The following AHI1 variants were observed in gnomAD, a reference collection of about 807,000 sequenced individuals.
The protein encoded by AHI1 is Abelson helper integration site 1.
In AHI1, 123 loss-of-function variants were observed where a neutral mutation model predicts 149.3. The ratio of observed to expected loss-of-function variants is 0.82; its 90% CI spans 0.71 to 0.96. The LOEUF (loss-of-function observed/expected upper bound fraction) is 0.96, where lower values mean the gene tolerates loss of function less well. AHI1 is among the 40% of genes least tolerant of loss of function. The pLI is 0.00. For missense variants in AHI1, 1,439 were observed against 1,422.7 expected (o/e 1.01, Z -0.18); for synonymous variants, 475 against 459.8 (o/e 1.03, Z -0.42).
At chr6:135,470,407 C>T (rs1238801887) in intron 5 of AHI1, among the ~76,000 whole-genome samples, 2 of 152,114 alleles carry the variant, frequency 1.3e-5, no homozygotes, top group East Asian at 1.9e-4. Context: ...GACACTGTGG[C>T]GATTCCACAA....
chr6:135,367,656 C>G (rs1774387559), intron 23 of AHI1, among the ~76,000 whole-genome samples: 1 of 152,030 alleles, frequency 6.6e-6, no homozygotes, highest in African/African-American at 2.4e-5. Flanking sequence ...GTAAGACTTT[C>G]CAGTGTATTT....
intron 24 of AHI1, among the ~76,000 whole-genome samples, chr6:135,335,520 C>A (rs528557821): frequency 3.1e-4 from 46 of 149,822 alleles, no homozygotes; most frequent in African/African-American, 1.1e-3. Flanking sequence ...TATTCCTTTT[C>A]AAAAAAAAGG....
chr6:135,401,274 T>C (rs1203472265), intron 22 of AHI1, among the ~76,000 whole-genome samples: 1 of 152,216 alleles, frequency 6.6e-6, no homozygotes, highest in Non-Finnish European at 1.5e-5. Flanking sequence ...CATCACTTAT[T>C]ATCTGAAACT....
intron 24 of AHI1, among the ~76,000 whole-genome samples, chr6:135,351,135 C>CAAAAAAAA (rs1183574427): frequency 2.3e-5 from 3 of 131,376 alleles, no homozygotes; most frequent in African/African-American, 1.0e-4. Context: ...AAACAAAAAA[C>CAAAAAAAA]AAAAAAAACA....
Position 135,442,991 on chromosome 6 carries a change from A to T in AHI1, c.1780-277T>A, listed in dbSNP as rs187137908. ...TTTCAATATCTGATACTCTAAAGCC[A>T]TCACTGCCACACTGCTTCTATATAG... On this transcript the variant is annotated intron_variant, in intron 13 of 28. Coordinates refer to ENST00000265602, the MANE Select transcript of AHI1 (RefSeq NM_001134831.2). Among the ~76,000 whole-genome samples the T allele has an allele frequency of 3.2e-3, 488 of 152,318 alleles. 5 individuals are homozygous for T. The highest frequency in any genetic ancestry group is 9.1e-3 in the African/African-American group (378 of 41,572).
chr6:135,389,266 G>A (rs1778102799), intron 23 of AHI1, among the ~76,000 whole-genome samples: 2 of 142,822 alleles, frequency 1.4e-5, no homozygotes, highest in African/African-American at 2.9e-5. Flanking sequence ...AGCCGAGATC[G>A]TGCCACTGCA....
intron 22 of AHI1, among the ~76,000 whole-genome samples, chr6:135,400,607 G>C (rs2128492544): frequency 6.6e-6 from 1 of 152,200 alleles, no homozygotes; most frequent in Non-Finnish European, 1.5e-5. Flanking sequence ...TCCTCCCTGA[G>C]GTAATTTATA....
At chr6:135,481,487 A>G (rs985710054) in intron 5 of AHI1, among the ~76,000 whole-genome samples, 7 of 152,118 alleles carry the variant, frequency 4.6e-5, no homozygotes, top group African/African-American at 1.7e-4. Flanking sequence ...GAGCATATTC[A>G]TGCTCAAAAT....
chr6:135,400,911 A>C (rs889358802), intron 22 of AHI1, among the ~76,000 whole-genome samples: 1 of 152,062 alleles, frequency 6.6e-6, no homozygotes, highest in African/African-American at 2.4e-5. Flanking sequence ...GAAGCCCCCA[A>C]AATCATCTTT....
chr6:135,325,168 A>T (rs1013160625), intron 24 of AHI1, among the ~76,000 whole-genome samples: 2 of 151,904 alleles, frequency 1.3e-5, no homozygotes, highest in African/African-American at 4.8e-5. Context: ...TTGGGATTAC[A>T]GGCGCCCACC....
chr6:135,329,274 G>C (rs1297834156), intron 24 of AHI1, among the ~76,000 whole-genome samples: 1 of 152,182 alleles, frequency 6.6e-6, no homozygotes, highest in African/African-American at 2.4e-5. Flanking sequence ...CTAGAGAGGA[G>C]AAGTCAATGA....
chr6:135,482,601 T>TA (rs1193063309), intron 5 of AHI1, among the ~76,000 whole-genome samples: 3 of 152,134 alleles, frequency 2.0e-5, no homozygotes, highest in African/African-American at 7.2e-5. Context: ...TTTATTTTTT[T>TA]AATCTGTAGA....
At chr6:135,438,211 G>GTGTTAC (rs1785703424) in intron 15 of AHI1, among the ~76,000 whole-genome samples, 164 bp downstream of exon 15, 2 of 152,136 alleles carry the variant, frequency 1.3e-5, no homozygotes, top group Admixed American at 6.5e-5. Context: ...TCTTTAAAAA[G>GTGTTAC]TGTTACTATA....
chr6:135,471,136 C>G (rs767647717), intron 5 of AHI1, among the ~76,000 whole-genome samples: 1 of 151,896 alleles, frequency 6.6e-6, no homozygotes, highest in Non-Finnish European at 1.5e-5. Flanking sequence ...AAGAGCTAAT[C>G]AAGAATTAGA....
At chr6:135,394,026 A>G (rs991600949) in intron 23 of AHI1, among the ~76,000 whole-genome samples, 6 of 151,940 alleles carry the variant, frequency 3.9e-5, no homozygotes, top group Non-Finnish European at 4.4e-5. Context: ...ATTGTCCTCA[A>G]ATTTCTAAGT....
intron 11 of AHI1, among the ~76,000 whole-genome samples, chr6:135,452,087 A>C (rs17064526): frequency 0.077 from 11,787 of 152,226 alleles, 1,086 homozygotes; most frequent in African/African-American, 0.22. Context: ...ACTGGATTTT[A>C]ACAGCATCTG....
intron 24 of AHI1, among the ~76,000 whole-genome samples, chr6:135,356,049 A>G: frequency 6.6e-6 from 1 of 152,216 alleles, no homozygotes; most frequent in Non-Finnish European, 1.5e-5. Flanking sequence ...TACTTGGAGC[A>G]AGGGGAACGT....
At chr6:135,339,198 A>T (rs1789906348) in intron 24 of AHI1, among the ~76,000 whole-genome samples, 1 of 152,210 alleles carries the variant, frequency 6.6e-6, no homozygotes, top group African/African-American at 2.4e-5. Flanking sequence ...CACCTGCCTT[A>T]GGTGGTGATA....
chr6:135,421,867 A>G (rs534422481), intron 20 of AHI1, among the ~76,000 whole-genome samples: 1 of 152,298 alleles, frequency 6.6e-6, no homozygotes, highest in Admixed American at 6.5e-5. Flanking sequence ...TGGCATTTCT[A>G]TCTTTTAATT....
Sources: gnomAD v4.1 joint callset for allele counts (sites outside exome capture counted in the v4.1 genomes callset) on GRCh38, gnomAD v4.1.1 for gene constraint, MANE v1.5 for transcripts, NCBI Gene and HGNC (gene_info 2026-07-23, HGNC 2026-07-21) for gene names.